The following SULT4A1 variants were observed in gnomAD, a reference collection of about 807,000 sequenced individuals.
SULT4A1 encodes sulfotransferase family 4A member 1.
A neutral mutation model predicts 35.2 loss-of-function variants in SULT4A1; 11 were observed. The observed-to-expected ratio is 0.31, with a 90% CI of 0.20 to 0.52. The LOEUF (loss-of-function observed/expected upper bound fraction) is 0.52. Among genes scored for constraint, SULT4A1 ranks in the 20% least tolerant of loss-of-function variants. SULT4A1 has a pLI of 0.97. For synonymous variants in SULT4A1, 152 were observed against 151.8 expected, an observed-to-expected ratio of 1.00 and a Z score of -0.01; for missense variants, 271 against 383.7, an observed-to-expected ratio of 0.71 and a Z score of 2.45.
rs911790550 is a variant in SULT4A1, at chr22:43,859,586, G to A, written c.169+2628C>T. On this transcript the variant is annotated intron_variant, in intron 1 of 6. Transcript: ENST00000330884. ...ACAAAATATTTTCACAGACACAATC[G>A]GATTTAATACAACCACCGTCCCAGG... 3.3e-5 allele frequency among the ~76,000 whole-genome samples: 5 copies of A among 152,170 alleles called. 1 individual carries two copies. Among genetic ancestry groups the A allele is most frequent in the South Asian group, 4.1e-4 (2 of 4,822 alleles).
intron 4 of SULT4A1, among the ~76,000 whole-genome samples, chr22:43,835,330 G>A (rs902436227): frequency 5.9e-5 from 9 of 152,172 alleles, no homozygotes; most frequent in East Asian, 3.9e-4. Context: ...TTTCTTCCAC[G>A]GGGACCTCCA....
chr22:43,831,805 A>G (rs766021169), intron 5 of SULT4A1, among the ~76,000 whole-genome samples: 1 of 152,274 alleles, frequency 6.6e-6, no homozygotes, highest in Non-Finnish European at 1.5e-5. Flanking sequence ...TATCAACTGC[A>G]AGAAGCTGGA....
At position 43,825,776 on chromosome 22, in the gene SULT4A1, G is replaced by C. The variant is rs2063282594; in HGVS notation, c.*225C>G. ...CAGGCCATTGGAACTGCAATGTGGA[G>C]ACTGTTTGTAATCAGACATGGAGAG... is the stretch of plus-strand genomic sequence containing the variant. On this transcript the variant is annotated 3_prime_UTR_variant, in exon 7 of 7. Transcript: ENST00000330884. The C allele has an allele frequency of 7.8e-6, 4 of 513,392 alleles. No homozygotes were observed. Among genetic ancestry groups the C allele is most frequent in the Non-Finnish European group, 1.4e-5 (4 of 288,408 alleles). 31.8% of individuals were successfully genotyped at this position (513,392 alleles called of 1,614,324 possible). A position where few individuals can be genotyped will look rare whatever the true frequency, so the allele number is the denominator to read the frequency against.
rs1176012634 is a variant in SULT4A1 at position 43,862,200 on chromosome 22, G to C, written c.169+14C>G. ...GGGGCATGGCGTGGCGGGCGCGGTC[G>C]GCGCGGGGCTCACCGGACTTGGGGT... On this transcript the variant is annotated intron_variant, in intron 1 of 6. Transcript: ENST00000330884. 1.1e-5 allele frequency: 17 copies of C among 1,506,550 alleles called. No homozygotes were observed. The highest frequency in any genetic ancestry group is 1.5e-5 in the Non-Finnish European group (17 of 1,127,230). The allele number at this position is 1,506,550 out of a possible 1,614,324, so 93.3% of individuals were successfully genotyped here. A position where few individuals can be genotyped will look rare whatever the true frequency, so the allele number is the denominator to read the frequency against.
intron 1 of SULT4A1, among the ~76,000 whole-genome samples, chr22:43,856,121 C>T (rs1377649073): frequency 2.0e-5 from 3 of 152,164 alleles, no homozygotes; most frequent in African/African-American, 4.8e-5. Flanking sequence ...GAGTTGGGGG[C>T]AGCATGCTTT....
At chr22:43,838,436 G>C (rs1443253247) in intron 4 of SULT4A1, among the ~76,000 whole-genome samples, 1 of 152,236 alleles carries the variant, frequency 6.6e-6, no homozygotes, top group African/African-American at 2.4e-5. Flanking sequence ...CCAGTAGCTT[G>C]CCTGTGCCTG....
chr22:43,858,498 A>G (rs1457714951), intron 1 of SULT4A1, among the ~76,000 whole-genome samples: 2 of 152,240 alleles, frequency 1.3e-5, no homozygotes, highest in East Asian at 3.9e-4. Context: ...GCAAGAGGAG[A>G]AAGATGGGGA....
In SULT4A1 at chr22:43,826,082, G is replaced by A. The variant is rs147048849; in HGVS notation, c.774C>T (p.Thr258=). ...AGTCAAACTTCTCATTCATGGAGAC[G>A]GTGAAGATGTCCTTCCACAGCCCAA... is the stretch of plus-strand genomic sequence containing the variant. The part of the protein sequence containing the change: ...GRVGLWKDIF[T]VSMNEKFDLV... Residue 258 remains threonine (T), a synonymous_variant, in exon 7 of 7, where the codon ACC becomes ACT. Coordinates refer to ENST00000330884, the MANE Select transcript of SULT4A1 (RefSeq NM_014351.4). The A allele has an allele frequency of 2.6e-4, 424 of 1,614,016 alleles. 1 individual carries two copies. The Middle Eastern group carries it at 7.7e-3, about 29-fold the overall frequency.
chr22:43,861,380 A>C (rs2049466585), intron 1 of SULT4A1, among the ~76,000 whole-genome samples: 1 of 152,220 alleles, frequency 6.6e-6, no homozygotes, highest in Non-Finnish European at 1.5e-5. Flanking sequence ...CAGAACAGGA[A>C]AGCTGCTACC....
At chr22:43,860,359 T>G (rs1187190145) in intron 1 of SULT4A1, among the ~76,000 whole-genome samples, 1 of 152,190 alleles carries the variant, frequency 6.6e-6, no homozygotes, top group Non-Finnish European at 1.5e-5. Context: ...GCAAAGCATC[T>G]GGGCACAACA....
intron 5 of SULT4A1, among the ~76,000 whole-genome samples, chr22:43,832,656 G>A (rs1439044367): frequency 6.6e-6 from 1 of 151,582 alleles, no homozygotes; most frequent in Non-Finnish European, 1.5e-5. Context: ...CCCGCCCCAG[G>A]GCCACAACAA....
chr22:43,858,653 T>A (rs775721648), intron 1 of SULT4A1, among the ~76,000 whole-genome samples: 1 of 152,116 alleles, frequency 6.6e-6, no homozygotes, highest in African/African-American at 2.4e-5. Context: ...GGGCTCCGCA[T>A]GCTCCCTCAT....
In SULT4A1 at chr22:43,862,345, C is replaced by G; in HGVS notation, c.38G>C (p.Gly13Ala). 6.5e-7 allele frequency: 1 copy of G among 1,534,522 alleles called. No individual in the cohort carries two copies. The change falls in exon 1 of 7, where the codon GGG (glycine) becomes GCG (alanine). Residue 13 changes from glycine to alanine, a missense_variant. Physicochemically the swap from Gly to Ala is moderately conservative, Grantham distance 60 (BLOSUM62 0). Transcript: ENST00000330884. Reference sequence around the variant, plus strand: ...CTCGAAGTACTTGCTCTCGAACTCCCCCGGGGTGCTGGGGGTCTCGGCCTC... The same window carrying G: ...CTCGAAGTACTTGCTCTCGAACTCCGCCGGGGTGCTGGGGGTCTCGGCCTC... ...ESEAETPSTP[G>A]EFESKYFEFH...
intron 6 of SULT4A1, chr22:43,826,888 C>CT: frequency 1.0e-6 from 1 of 985,482 alleles, no homozygotes; most frequent in Non-Finnish European, 1.2e-6. Flanking sequence ...GAAACCCAGA[C>CT]CTCTTCCTGG....
intron 1 of SULT4A1, among the ~76,000 whole-genome samples, chr22:43,858,800 C>T (rs2049432919): frequency 6.6e-6 from 1 of 152,156 alleles, no homozygotes; most frequent in Non-Finnish European, 1.5e-5. Context: ...CTTTGTCCTC[C>T]CTAGGCCCTC....
intron 3 of SULT4A1, among the ~76,000 whole-genome samples, chr22:43,839,609 C>A (rs1164151623): frequency 6.6e-6 from 1 of 151,992 alleles, no homozygotes; most frequent in African/African-American, 2.4e-5. Context: ...AACAAACAAA[C>A]AAAAAAACCC....
chr22:43,839,033 C>T (rs371762578), intron 3 of SULT4A1, 40 bp from the exon 4 acceptor site: 51 of 1,607,468 alleles, frequency 3.2e-5, no homozygotes, highest in Admixed American at 1.5e-4. Context: ...TGTCTCCTTC[C>T]CTCCCAGGCA....
chr22:43,834,082 G>A (rs765731567), intron 4 of SULT4A1, among the ~76,000 whole-genome samples: 84 of 152,286 alleles, frequency 5.5e-4, no homozygotes, highest in Non-Finnish European at 1.1e-3. Context: ...ACTGGGACAG[G>A]GGCCGCTAGG....
chr22:43,854,015 T>A (rs1246913493), intron 1 of SULT4A1, among the ~76,000 whole-genome samples: 6 of 152,202 alleles, frequency 3.9e-5, no homozygotes, highest in Non-Finnish European at 8.8e-5. Flanking sequence ...GAAAGGAGGC[T>A]CTGGTGTGCG....
Sources: allele counts gnomAD v4.1 joint callset (sites outside exome capture counted in the v4.1 genomes callset), GRCh38; gene constraint gnomAD v4.1.1; transcripts MANE v1.5; gene names NCBI Gene and HGNC (gene_info 2026-07-23, HGNC 2026-07-21).